The following PSME4 variants were observed in gnomAD, a reference collection of about 807,000 sequenced individuals.
The protein encoded by PSME4 is proteasome activator subunit 4, also known as proteasome activator complex subunit 4.
Under a neutral mutation model 253.9 loss-of-function variants are expected in PSME4, and 89 were observed. That is an observed-to-expected ratio of 0.35 (90% CI 0.30 to 0.42). The LOEUF is 0.42. Ranked by LOEUF, PSME4 falls within the 10% of genes least tolerant of loss-of-function variation. PSME4 has a pLI of 1.00. For synonymous variants in PSME4, 851 were observed against 759.2 expected (o/e 1.12, Z -1.99); for missense variants, 2,014 against 2,195.2 (o/e 0.92, Z 1.65).
At chr2:53,866,917 T>C (rs771549007) in intron 44 of PSME4, 37 bp from the exon 45 acceptor site, 34 of 1,595,798 alleles carry the variant, frequency 2.1e-5, no homozygotes, top group Middle Eastern at 1.7e-4. Flanking sequence ...CAAATATATA[T>C]ATGTCTCTAA....
chr2:53,922,997 G>GA, intron 16 of PSME4, 52 bp downstream of exon 16: 2 of 1,345,564 alleles, frequency 1.5e-6, no homozygotes, highest in Middle Eastern at 4.0e-4. Context: ...TAGAAACCAA[G>GA]AAAAAAACTT....
chr2:53,968,559 A>C (rs1344511197), intron 1 of PSME4, among the ~76,000 whole-genome samples: 1 of 152,180 alleles, frequency 6.6e-6, no homozygotes, highest in Admixed American at 6.5e-5. Context: ...TTAGGAAAAA[A>C]ACACACCCAA....
At chr2:53,890,251 G>T in intron 36 of PSME4, 43 bp from the exon 37 acceptor site, 1 of 1,328,988 alleles carries the variant, frequency 7.5e-7, no homozygotes, top group Non-Finnish European at 1.1e-6. Context: ...ATGACACTCA[G>T]AACATTTTTC....
At position 53,970,950 on chromosome 2, in the gene PSME4, C is replaced by A; in HGVS notation, c.-166G>T. 1 of 534,514 alleles carries A rather than the reference C, an allele frequency of 1.9e-6. No homozygotes were observed. Among genetic ancestry groups the A allele is most frequent in the South Asian group, 3.4e-5 (1 of 29,548 alleles). 33.1% of individuals were successfully genotyped at this position (534,514 alleles called of 1,614,324 possible). The stretch of plus-strand genomic sequence containing the variant: ...CTTCCCTGGCCGGCGTGCTGCTGGG[C>A]CCCACGCGGCTCTCAGTTCGTTGGC... On this transcript the variant is annotated 5_prime_UTR_variant, in exon 1 of 47. Transcript: ENST00000404125.
Position 53,967,848 on chromosome 2 carries a change from T to C in PSME4, c.242+2695A>G, listed in dbSNP as rs189324042. ...GGTCTTTAGGAATGTACTTGATCTA[T>C]GCAACTGTTTCCAGTATTTTACAAA... On this transcript the variant is annotated intron_variant, in intron 1 of 46. Coordinates refer to ENST00000404125, the MANE Select transcript of PSME4 (RefSeq NM_014614.3). 1.7e-4 allele frequency among the ~76,000 whole-genome samples: 26 copies of C among 152,202 alleles called. No homozygotes were observed. In the East Asian group the frequency reaches 5.0e-3, roughly 29 times the overall value.
In PSME4 at chr2:53,906,985, T is replaced by C; in HGVS notation, c.2785-117A>G. Reference sequence around the variant, plus strand: ...AGGTCCCTGGTTGACTGGTGAGTGGTGGTGGTATTTCCTTTATTCTAAAGA... The same window carrying C: ...AGGTCCCTGGTTGACTGGTGAGTGGCGGTGGTATTTCCTTTATTCTAAAGA... On this transcript the variant is annotated intron_variant, in intron 24 of 46. Transcript: ENST00000404125. 4 of 811,650 alleles carry C rather than the reference T, an allele frequency of 4.9e-6. No individual in the cohort carries two copies. In the South Asian group the frequency reaches 6.7e-5, roughly 14 times the overall value. 50.3% of individuals were successfully genotyped at this position (811,650 alleles called of 1,614,324 possible).
In PSME4 at chr2:53,923,041, T is replaced by C; in HGVS notation, c.1978+8A>G. ...TTGTAAAGAGAGAATAATGACCTTA[T>C]GACTTACTCATTGTAAGCTGAGTTA... On this transcript the variant is annotated splice_region_variant and intron_variant, in intron 16 of 46. Coordinates refer to ENST00000404125, the MANE Select transcript of PSME4 (RefSeq NM_014614.3). The C allele has an allele frequency of 6.5e-7, 1 of 1,544,562 alleles. No individual in the cohort carries two copies. The highest frequency in any genetic ancestry group is 8.8e-7 in the Non-Finnish European group (1 of 1,139,338).
chr2:53,938,919 T>C (rs2104466386), intron 4 of PSME4, among the ~76,000 whole-genome samples: 1 of 152,316 alleles, frequency 6.6e-6, no homozygotes, highest in Non-Finnish European at 1.5e-5. Context: ...ATATCAAGGA[T>C]CAATTCTCCT....
intron 41 of PSME4, among the ~76,000 whole-genome samples, chr2:53,878,554 C>T (rs1270335590): frequency 1.3e-5 from 2 of 152,166 alleles, no homozygotes; most frequent in East Asian, 1.9e-4. Flanking sequence ...GGAGAAATAT[C>T]GCTGAATTCT....
chr2:53,890,665 C>A (rs1029384634), intron 36 of PSME4, among the ~76,000 whole-genome samples: 1 of 152,092 alleles, frequency 6.6e-6, no homozygotes, highest in Admixed American at 6.6e-5. Context: ...CCATACATAT[C>A]CAGGTATAGG....
At chr2:53,939,757 A>G (rs1410927360) in intron 4 of PSME4, among the ~76,000 whole-genome samples, 199 bp downstream of exon 4, 4 of 152,200 alleles carry the variant, frequency 2.6e-5, no homozygotes, top group Admixed American at 1.3e-4. Flanking sequence ...TTTACAATGG[A>G]TGACTTTAAA....
At chr2:53,887,802 TAAAAAA>T (rs541569401) in intron 39 of PSME4, 50 bp downstream of exon 39, 18 of 1,435,096 alleles carry the variant, frequency 1.3e-5, no homozygotes, top group Admixed American at 1.0e-4. Flanking sequence ...TATTACAATT[TAAAAAA>T]AAACAAACAA....
chr2:53,897,540 C>T (rs896445080), intron 31 of PSME4, among the ~76,000 whole-genome samples: 2 of 152,164 alleles, frequency 1.3e-5, no homozygotes, highest in African/African-American at 2.4e-5. Flanking sequence ...CCCCACCTCA[C>T]CTCTAACACT....
intron 8 of PSME4, 164 bp from the exon 9 acceptor site, chr2:53,932,924 A>C: frequency 1.8e-6 from 1 of 568,318 alleles, no homozygotes; most frequent in Non-Finnish European, 3.1e-6. Flanking sequence ...TTCCCTGATG[A>C]ACTTCATGCA....
At chr2:53,932,335 T>A (rs570143520) in intron 9 of PSME4, among the ~76,000 whole-genome samples, 2 of 152,218 alleles carry the variant, frequency 1.3e-5, no homozygotes, top group South Asian at 4.2e-4. Context: ...CACATAATTT[T>A]CCATTACATG....
intron 1 of PSME4, among the ~76,000 whole-genome samples, chr2:53,958,802 C>G (rs957007831): frequency 1.7e-4 from 25 of 149,036 alleles, no homozygotes; most frequent in Admixed American, 9.4e-4. Flanking sequence ...ACTTTAAAAT[C>G]TACTGAATAC....
intron 20 of PSME4, among the ~76,000 whole-genome samples, chr2:53,912,254 C>CA (rs1667858908): frequency 6.6e-6 from 1 of 152,096 alleles, no homozygotes. Flanking sequence ...CCTACTGTGG[C>CA]ACTTGAGTAT....
intron 31 of PSME4, 52 bp downstream of exon 31, chr2:53,897,818 G>C: frequency 6.4e-7 from 1 of 1,570,020 alleles, no homozygotes; most frequent in Non-Finnish European, 8.8e-7. Flanking sequence ...AAAGACTTCA[G>C]GTCACGTACA....
At chr2:53,932,549 C>T in intron 9 of PSME4, 119 bp downstream of exon 9, 1 of 793,134 alleles carries the variant, frequency 1.3e-6, no homozygotes, top group Non-Finnish European at 2.1e-6. Context: ...TAAGCATTTA[C>T]ATATAGCTAA....
Sources: gnomAD v4.1 joint callset for allele counts (sites outside exome capture counted in the v4.1 genomes callset) on GRCh38, gnomAD v4.1.1 for gene constraint, MANE v1.5 for transcripts, NCBI Gene and HGNC (gene_info 2026-07-23, HGNC 2026-07-21) for gene names.